The following MTA3 variants were observed in gnomAD, a reference collection of about 807,000 sequenced individuals.
MTA3 encodes metastasis-associated protein MTA3.
Under a neutral mutation model 83.5 loss-of-function variants are expected in MTA3, and 34 were observed. The observed-to-expected ratio is 0.41, with a 90% CI of 0.31 to 0.54. The LOEUF (loss-of-function observed/expected upper bound fraction) is 0.54, where lower values mean the gene tolerates loss of function less well. Ranked by LOEUF, MTA3 falls within the 20% of genes least tolerant of loss-of-function variation. The probability of loss-of-function intolerance (pLI) is 0.33; values close to 1 mark genes in which losing one functional copy is unlikely to be tolerated. For synonymous variants in MTA3, 303 were observed against 252.7 expected, an observed-to-expected ratio of 1.20 and a Z score of -1.89; for missense variants, 761 against 726.4, an observed-to-expected ratio of 1.05 and a Z score of -0.55.
Position 42,664,466 on chromosome 2 carries a change from C to CTTTTTTTTTTTTTTTTTTTTTT in MTA3, c.702+4611_702+4632dup, listed in dbSNP as rs35633597. 3.0e-4 allele frequency among the ~76,000 whole-genome samples: 26 copies of CTTTTTTTTTTTTTTTTTTTTTT among 85,746 alleles called. 11 individuals are homozygous for CTTTTTTTTTTTTTTTTTTTTTT. Among genetic ancestry groups the CTTTTTTTTTTTTTTTTTTTTTT allele is most frequent in the Admixed American group, 9.0e-4 (6 of 6,698 alleles). 56.3% of individuals were successfully genotyped at this position (85,746 alleles called of 152,430 possible). On this transcript the variant is annotated intron_variant, in intron 8 of 16. Coordinates refer to ENST00000405094, the MANE Select transcript of MTA3 (RefSeq NM_001330442.2). ...CCTACTACCCCCTCACCCCGCTTAC[C>CTTTTTTTTTTTTTTTTTTTTTT]TTTTTTTTTTTTTTTTTTTTTTTTT...
intron 9 of MTA3, among the ~76,000 whole-genome samples, chr2:42,687,342 A>G (rs538194559): frequency 6.6e-6 from 1 of 152,334 alleles, no homozygotes; most frequent in South Asian, 2.1e-4. Flanking sequence ...TCTTTTACTT[A>G]ACATAATGCA....
chr2:42,587,313 C>G (rs900959315), intron 3 of MTA3, among the ~76,000 whole-genome samples: 1 of 152,054 alleles, frequency 6.6e-6, no homozygotes, highest in Non-Finnish European at 1.5e-5. Flanking sequence ...CCCTGCCTCC[C>G]AAAATATAAG....
At chr2:42,676,509 T>C (rs1213783165) in intron 8 of MTA3, among the ~76,000 whole-genome samples, 2 of 152,228 alleles carry the variant, frequency 1.3e-5, no homozygotes, top group Non-Finnish European at 2.9e-5. Flanking sequence ...CTCATGCTTG[T>C]AATCCCAGCA....
In MTA3 at chr2:42,755,791, G is replaced by T; in HGVS notation, c.*2392G>T. 2.0e-6 allele frequency: 2 copies of T among 985,516 alleles called. No individual in the cohort carries two copies. The highest frequency in any genetic ancestry group is 2.4e-6 in the Non-Finnish European group (2 of 830,000). The allele number at this position is 985,516 out of a possible 1,614,324, so 61.0% of individuals were successfully genotyped here. On this transcript the variant is annotated 3_prime_UTR_variant, in exon 17 of 17. Coordinates refer to ENST00000405094, the MANE Select transcript of MTA3 (RefSeq NM_001330442.2). The stretch of plus-strand genomic sequence containing the variant: ...TCACTGTGGTTCAGTGAGCACATGG[G>T]TGGACGTGCAGAGACTGTCTGCGCA...
rs868804764 is a variant in MTA3, at chr2:42,708,125, G to A, written c.1302+71G>A. The A allele has an allele frequency of 2.2e-5, 32 of 1,468,300 alleles. No homozygotes were observed. The African/African-American group carries it at 3.7e-4, about 17-fold the overall frequency. 91.0% of individuals were successfully genotyped at this position (1,468,300 alleles called of 1,614,324 possible). A position where few individuals can be genotyped will look rare whatever the true frequency, so the allele number is the denominator to read the frequency against. ...GGTTGATTATTCCTTGGAAACAGAAGTACAGTATAGGATAATTAAAAAATG... is the reference window on the plus strand; with the variant it reads ...GGTTGATTATTCCTTGGAAACAGAAATACAGTATAGGATAATTAAAAAATG... On this transcript the variant is annotated intron_variant, in intron 13 of 16. Transcript: ENST00000405094.
intron 16 of MTA3, among the ~76,000 whole-genome samples, chr2:42,749,691 C>T (rs181760460): frequency 1.3e-4 from 20 of 152,170 alleles, no homozygotes; most frequent in African/African-American, 4.8e-4. Context: ...TGGTCTTGAA[C>T]TCCTGACCTC....
At chr2:42,515,934 G>A (rs545444662) in intron 2 of MTA3, among the ~76,000 whole-genome samples, 97 of 150,156 alleles carry the variant, frequency 6.5e-4, no homozygotes, top group African/African-American at 2.3e-3. Flanking sequence ...TCTGCCTCCC[G>A]GGTTCACGCC....
At position 42,710,951 on chromosome 2, in the gene MTA3, C is replaced by T. The variant is rs1354359122; in HGVS notation, c.1525+1855C>T. On this transcript the variant is annotated intron_variant, in intron 14 of 16. Coordinates refer to ENST00000405094, the MANE Select transcript of MTA3 (RefSeq NM_001330442.2). ...AAAATTAGCCAGGCATGGTGGCACA[C>T]GCCTGTAATCCCAGCTGCTTGGAAG... Among the ~76,000 whole-genome samples the T allele has an allele frequency of 5.3e-5, 8 of 152,094 alleles. No homozygotes were observed. The South Asian group carries it at 6.2e-4, about 12-fold the overall frequency.
At chr2:42,639,756 A>T (rs1004571174) in intron 4 of MTA3, among the ~76,000 whole-genome samples, 5 of 152,194 alleles carry the variant, frequency 3.3e-5, no homozygotes, top group Admixed American at 3.3e-4. Context: ...TCTGAATATT[A>T]TTTAGCCATT....
At chr2:42,531,821 ATCTCG>A (rs1453043685) in intron 2 of MTA3, among the ~76,000 whole-genome samples, 1 of 150,646 alleles carries the variant, frequency 6.6e-6, no homozygotes, top group Non-Finnish European at 1.5e-5. Flanking sequence ...CAGTGGCACA[ATCTCG>A]GCTCACTGCA....
At chr2:42,678,730 C>T (rs1291370797) in intron 8 of MTA3, among the ~76,000 whole-genome samples, 1 of 152,150 alleles carries the variant, frequency 6.6e-6, no homozygotes, top group East Asian at 1.9e-4. Flanking sequence ...ACTCGGTGAA[C>T]AAATTCATAA....
chr2:42,615,474 G>T (rs1573295269), intron 4 of MTA3, among the ~76,000 whole-genome samples: 1 of 151,538 alleles, frequency 6.6e-6, no homozygotes, highest in East Asian at 1.9e-4. Flanking sequence ...TCTTGTCTCT[G>T]CCTCCCTAAT....
intron 3 of MTA3, among the ~76,000 whole-genome samples, chr2:42,589,849 C>T (rs1680762701): frequency 6.6e-6 from 1 of 152,170 alleles, no homozygotes; most frequent in African/African-American, 2.4e-5. Context: ...TATTGTATTT[C>T]TCTTTTGTCA....
intron 16 of MTA3, among the ~76,000 whole-genome samples, chr2:42,743,281 T>A (rs1447694416): frequency 3.9e-5 from 6 of 152,250 alleles, no homozygotes; most frequent in Non-Finnish European, 7.3e-5. Flanking sequence ...GACAAGGCGA[T>A]TGCCTGCTAT....
chr2:42,527,031 TAAC>T (rs1281307123), intron 2 of MTA3, among the ~76,000 whole-genome samples: 2 of 81,454 alleles, frequency 2.5e-5, no homozygotes, highest in African/African-American at 1.0e-4. Flanking sequence ...TCCAGCCTGA[TAAC>T]AAAGCAAGAC....
At chr2:42,586,515 A>ACACACAC (rs1558462662) in intron 3 of MTA3, among the ~76,000 whole-genome samples, 5 of 79,904 alleles carry the variant, frequency 6.3e-5, no homozygotes, top group South Asian at 4.4e-4. Flanking sequence ...CACACACACA[A>ACACACAC]ACACACAAAG....
intron 2 of MTA3, among the ~76,000 whole-genome samples, chr2:42,553,134 A>C (rs1677197424): frequency 6.6e-6 from 1 of 151,982 alleles, no homozygotes; most frequent in South Asian, 2.1e-4. Context: ...TTAAAAAATT[A>C]GGCTGGGTGG....
chr2:42,620,524 G>C (rs1685418045), intron 4 of MTA3, among the ~76,000 whole-genome samples: 1 of 152,062 alleles, frequency 6.6e-6, no homozygotes, highest in Admixed American at 6.6e-5. Context: ...ATAGGGTCTC[G>C]CTCTGTTGCT....
chr2:42,588,792 CATGT>C (rs1242067504), intron 3 of MTA3, among the ~76,000 whole-genome samples: 14 of 124,104 alleles, frequency 1.1e-4, no homozygotes, highest in African/African-American at 4.6e-4. Flanking sequence ...CATGTATACA[CATGT>C]ATGTATTATA....
Sources: gnomAD v4.1 joint callset for allele counts (sites outside exome capture counted in the v4.1 genomes callset) on GRCh38, gnomAD v4.1.1 for gene constraint, MANE v1.5 for transcripts, NCBI Gene and HGNC (gene_info 2026-07-23, HGNC 2026-07-21) for gene names.